The following EXT1 variants were observed in gnomAD, a reference collection of about 807,000 sequenced individuals.
EXT1 encodes exostosin glycosyltransferase 1.
A neutral mutation model predicts 82.5 loss-of-function variants in EXT1; 20 were observed. The ratio of observed to expected loss-of-function variants is 0.24; its 90% CI spans 0.17 to 0.35. The LOEUF is 0.35. Among genes scored for constraint, EXT1 ranks in the 10% least tolerant of loss-of-function variants. The pLI is 1.00. For synonymous variants in EXT1, 348 were observed against 350.8 expected (o/e 0.99, Z 0.09); for missense variants, 757 against 936.5 (o/e 0.81, Z 2.50).
chr8:118,031,204 T>A (rs1446538784), intron 1 of EXT1, among the ~76,000 whole-genome samples: 3 of 152,062 alleles, frequency 2.0e-5, no homozygotes, highest in African/African-American at 4.8e-5. Flanking sequence ...AATTTCTGAT[T>A]TTCCATTCAA....
intron 1 of EXT1, among the ~76,000 whole-genome samples, chr8:117,976,246 C>T (rs1815062615): frequency 6.6e-6 from 1 of 152,154 alleles, no homozygotes. Context: ...AATAGCCTAC[C>T]GCCCAGCAAT....
At chr8:118,076,151 A>G (rs1817204252) in intron 1 of EXT1, among the ~76,000 whole-genome samples, 2 of 152,214 alleles carry the variant, frequency 1.3e-5, no homozygotes, top group Non-Finnish European at 2.9e-5. Context: ...AAGTTGCTTT[A>G]TAAGAGTTAT....
chr8:118,076,236 T>C (rs913729784), intron 1 of EXT1, among the ~76,000 whole-genome samples: 2 of 152,202 alleles, frequency 1.3e-5, no homozygotes, highest in Non-Finnish European at 2.9e-5. Context: ...CCGATAAGGT[T>C]TTGAGAAAGA....
chr8:117,980,996 C>T (rs1294269505), intron 1 of EXT1, among the ~76,000 whole-genome samples: 1 of 152,130 alleles, frequency 6.6e-6, no homozygotes, highest in African/African-American at 2.4e-5. Context: ...ACAGATGCAT[C>T]AGTGGCTTCC....
intron 1 of EXT1, among the ~76,000 whole-genome samples, chr8:117,947,072 C>A (rs1021883681): frequency 1.3e-5 from 2 of 152,058 alleles, no homozygotes; most frequent in East Asian, 1.9e-4. Context: ...AAAGGGACCA[C>A]AATAAGTTAT....
At chr8:118,044,504 T>C (rs1816588353) in intron 1 of EXT1, among the ~76,000 whole-genome samples, 1 of 151,342 alleles carries the variant, frequency 6.6e-6, no homozygotes, top group African/African-American at 2.4e-5. Context: ...ACCTCCCGGG[T>C]TCAAGCGATT....
At chr8:117,893,432 A>G (rs1442923771) in intron 1 of EXT1, among the ~76,000 whole-genome samples, 1 of 152,218 alleles carries the variant, frequency 6.6e-6, no homozygotes, top group Non-Finnish European at 1.5e-5. Context: ...TGCCAAGGCC[A>G]TATGGAAAGC....
chr8:118,021,256 A>G (rs1175955052), intron 1 of EXT1, among the ~76,000 whole-genome samples: 1 of 152,204 alleles, frequency 6.6e-6, no homozygotes, highest in African/African-American at 2.4e-5. Flanking sequence ...CATGTATTAC[A>G]AAGGTTTTTG....
chr8:117,853,076 G>A lies in EXT1; in HGVS notation c.963-15875C>T, dbSNP rs17474860. Among the ~76,000 whole-genome samples, 1,365 of 152,298 alleles carry A rather than the reference G, an allele frequency of 9.0e-3. 26 individuals are homozygous for A. The highest frequency in any genetic ancestry group is 0.029 in the African/African-American group (1,214 of 41,564). ...TGCAGTGCTTTGAGCAGTGCTGACA[G>A]TAGATGCAAAAGTCATCAAGAAATT... On this transcript the variant is annotated intron_variant, in intron 1 of 10. Transcript: ENST00000378204.
intron 1 of EXT1, among the ~76,000 whole-genome samples, chr8:117,919,066 T>C (rs1240215134): frequency 6.6e-6 from 1 of 152,188 alleles, no homozygotes; most frequent in Non-Finnish European, 1.5e-5. Context: ...TGGAGACCTT[T>C]GTTTTAGCCT....
chr8:117,814,234 G>GGGGTGTGT (rs1811751132), intron 7 of EXT1, among the ~76,000 whole-genome samples: 1 of 146,738 alleles, frequency 6.8e-6, no homozygotes, highest in Non-Finnish European at 1.5e-5. Context: ...CACACACAGT[G>GGGGTGTGT]GTGTGTGTGT....
intron 1 of EXT1, among the ~76,000 whole-genome samples, chr8:118,092,351 T>C (rs1817538037): frequency 6.6e-6 from 1 of 152,182 alleles, no homozygotes; most frequent in Admixed American, 6.5e-5. Context: ...TAATCAAATA[T>C]GATATTTACT....
At chr8:117,909,488 G>C (rs1273247582) in intron 1 of EXT1, among the ~76,000 whole-genome samples, 1 of 152,108 alleles carries the variant, frequency 6.6e-6, no homozygotes, top group East Asian at 1.9e-4. Context: ...TGAACTGTGT[G>C]AATAATGAAT....
At chr8:117,948,158 A>C (rs2129688451) in intron 1 of EXT1, among the ~76,000 whole-genome samples, 1 of 152,296 alleles carries the variant, frequency 6.6e-6, no homozygotes. Flanking sequence ...AATGTAAAAA[A>C]AAATAAGAAA....
chr8:117,994,400 C>T (rs1372733422), intron 1 of EXT1, among the ~76,000 whole-genome samples: 2 of 152,260 alleles, frequency 1.3e-5, no homozygotes, highest in Non-Finnish European at 2.9e-5. Context: ...TCACTTGAGT[C>T]TAGGAGTTTG....
chr8:117,909,004 C>G (rs1040446490), intron 1 of EXT1, among the ~76,000 whole-genome samples: 1 of 151,210 alleles, frequency 6.6e-6, no homozygotes, highest in Non-Finnish European at 1.5e-5. Context: ...TGGTTGTACG[C>G]GCCTGTAATC....
chr8:117,902,480 A>G (rs528536606), intron 1 of EXT1, among the ~76,000 whole-genome samples: 15 of 152,310 alleles, frequency 9.8e-5, no homozygotes, highest in Non-Finnish European at 1.8e-4. Flanking sequence ...AGACAGTATA[A>G]CAGGTATGAT....
At chr8:118,008,034 CTAA>C (rs1466308015) in intron 1 of EXT1, among the ~76,000 whole-genome samples, 1 of 152,118 alleles carries the variant, frequency 6.6e-6, no homozygotes, top group Admixed American at 6.6e-5. Context: ...AACAAATTAA[CTAA>C]TAATAAAAAT....
At chr8:118,057,836 G>A (rs1816819515) in intron 1 of EXT1, among the ~76,000 whole-genome samples, 3 of 151,850 alleles carry the variant, frequency 2.0e-5, no homozygotes, top group Non-Finnish European at 4.4e-5. Context: ...AGCCAGGCAC[G>A]GTGGCAGGCG....
Sources: gnomAD v4.1 joint callset for allele counts (sites outside exome capture counted in the v4.1 genomes callset) on GRCh38, gnomAD v4.1.1 for gene constraint, MANE v1.5 for transcripts, NCBI Gene and HGNC (gene_info 2026-07-23, HGNC 2026-07-21) for gene names.